TGFBR3: variants seen among roughly 807,000 people sequenced by gnomAD.
TGFBR3 encodes the protein transforming growth factor beta receptor 3.
In TGFBR3, 46 loss-of-function variants were observed where a neutral mutation model predicts 87.9. The ratio of observed to expected loss-of-function variants is 0.52; its 90% CI spans 0.41 to 0.67. TGFBR3 has a LOEUF of 0.67. Ranked by LOEUF, TGFBR3 falls within the 30% of genes least tolerant of loss-of-function variation. The pLI is 0.00. For synonymous variants in TGFBR3, 381 were observed against 391.6 expected, an observed-to-expected ratio of 0.97 and a Z score of 0.32; for missense variants, 866 against 1,041.9, an observed-to-expected ratio of 0.83 and a Z score of 2.32.
At chr1:91,796,461 T>C (rs1675385784) in intron 3 of TGFBR3, among the ~76,000 whole-genome samples, 1 of 152,218 alleles carries the variant, frequency 6.6e-6, no homozygotes, top group South Asian at 2.1e-4. Context: ...TCTCCGCTAA[T>C]GTCACCGCCA....
chr1:91,795,363 C>T (rs428815), intron 3 of TGFBR3, among the ~76,000 whole-genome samples: 17,878 of 152,146 alleles, frequency 0.12, 1,475 homozygotes, highest in East Asian at 0.48. Context: ...TCTTTCTTTT[C>T]TTCCTCACTG....
intron 1 of TGFBR3, among the ~76,000 whole-genome samples, chr1:91,865,281 AC>A (rs1167573759): frequency 6.6e-6 from 1 of 151,166 alleles, no homozygotes; most frequent in South Asian, 2.1e-4. Flanking sequence ...TTATTCCTTT[AC>A]TTTCTTAATA....
chr1:91,882,784 A>AT (rs1227908908), intron 1 of TGFBR3, among the ~76,000 whole-genome samples: 3 of 152,060 alleles, frequency 2.0e-5, no homozygotes, highest in East Asian at 1.9e-4. Context: ...GTCAAGTGTG[A>AT]TTTTTTCAAG....
intron 3 of TGFBR3, chr1:91,786,114 A>G: frequency 4.7e-6 from 2 of 427,340 alleles, no homozygotes; most frequent in Non-Finnish European, 4.6e-6. Flanking sequence ...ATGTTTCATT[A>G]AATTCATTCT....
intron 16 of TGFBR3, among the ~76,000 whole-genome samples, chr1:91,691,447 G>GCT (rs938680532): frequency 3.3e-5 from 5 of 152,204 alleles, no homozygotes; most frequent in Admixed American, 3.3e-4. Context: ...AATCCTCAGA[G>GCT]CTAGAAGACA....
intron 16 of TGFBR3, among the ~76,000 whole-genome samples, chr1:91,685,934 G>A (rs370416695): frequency 1.3e-5 from 2 of 152,262 alleles, no homozygotes; most frequent in South Asian, 4.1e-4. Flanking sequence ...TAATCAATCA[G>A]AAGGACTAAT....
Position 91,680,811 on chromosome 1 carries a change from GAACAC to G in TGFBR3, c.*2923_*2927del, listed in dbSNP as rs1339441407. On this transcript the variant is annotated 3_prime_UTR_variant, in exon 17 of 17. Transcript: ENST00000212355. ...ACACACTCACAATCATGCCCACTAA[GAACAC>G]AAGCAGGAAATGGATTTACAATCTT... 5 of 452,338 alleles carry G rather than the reference GAACAC, an allele frequency of 1.1e-5. No homozygotes were observed. Among genetic ancestry groups the G allele is most frequent in the Admixed American group, 2.4e-5 (1 of 42,464 alleles). 28.0% of individuals were successfully genotyped at this position (452,338 alleles called of 1,614,324 possible).
chr1:91,704,090 G>A (rs1671709153), intron 14 of TGFBR3, among the ~76,000 whole-genome samples: 1 of 152,108 alleles, frequency 6.6e-6, no homozygotes, highest in South Asian at 2.1e-4. Context: ...CACTTTGGGA[G>A]GCCGAGGTGG....
intron 1 of TGFBR3, among the ~76,000 whole-genome samples, chr1:91,877,296 C>A (rs888372909): frequency 2.0e-5 from 3 of 152,186 alleles, no homozygotes; most frequent in South Asian, 4.2e-4. Flanking sequence ...TTTTTGGAAG[C>A]ATTTTCTTTT....
Position 91,681,072 on chromosome 1 carries a change from G to T in TGFBR3, c.*2667C>A. The T allele has an allele frequency of 4.4e-6, 2 of 454,060 alleles. 1 individual carries two copies. The highest frequency in any genetic ancestry group is 3.1e-5 in the South Asian group (2 of 64,474). 28.1% of individuals were successfully genotyped at this position (454,060 alleles called of 1,614,324 possible). Reference sequence around the variant, plus strand: ...ATGGCCTCTGCAAATTAAGGGTGTAGCCTGCAGAAATAACAAAAGACTGCA... The same window carrying T: ...ATGGCCTCTGCAAATTAAGGGTGTATCCTGCAGAAATAACAAAAGACTGCA... On this transcript the variant is annotated 3_prime_UTR_variant, in exon 17 of 17. Transcript: ENST00000212355.
chr1:91,820,410 A>G (rs1162168731), intron 2 of TGFBR3, among the ~76,000 whole-genome samples: 1 of 152,210 alleles, frequency 6.6e-6, no homozygotes, highest in Non-Finnish European at 1.5e-5. Context: ...CCAGCCGGGC[A>G]CGGTGGCTCA....
At chr1:91,716,156 T>C in intron 12 of TGFBR3, 80 bp downstream of exon 12, 1 of 1,561,248 alleles carries the variant, frequency 6.4e-7, no homozygotes. Context: ...AAGAGGTCTG[T>C]ACAGGGTATT....
intron 13 of TGFBR3, 145 bp from the exon 14 acceptor site, chr1:91,708,928 G>GA: frequency 8.5e-7 from 1 of 1,171,414 alleles, no homozygotes; most frequent in Non-Finnish European, 1.2e-6. Flanking sequence ...GTGTTTTTCA[G>GA]AGAACACCAA....
chr1:91,751,298 C>T (rs1336469475), intron 4 of TGFBR3, among the ~76,000 whole-genome samples: 2 of 152,126 alleles, frequency 1.3e-5, no homozygotes, highest in African/African-American at 4.8e-5. Context: ...CACAAGCAAA[C>T]TTGAATGTCT....
chr1:91,797,610 A>C lies in TGFBR3; in HGVS notation c.62-139T>G, dbSNP rs527672975. The C allele has an allele frequency of 1.3e-3, 1,089 of 848,208 alleles. 5 individuals are homozygous for C. The highest frequency in any genetic ancestry group is 1.8e-3 in the Non-Finnish European group (918 of 507,662). 52.5% of individuals were successfully genotyped at this position (848,208 alleles called of 1,614,324 possible). ...CTGTTCCAAGACTAAGTGGCCAAAAAGCTAGCCTATCTTCTAAAATCCCAA... is the reference window on the plus strand; with the variant it reads ...CTGTTCCAAGACTAAGTGGCCAAAACGCTAGCCTATCTTCTAAAATCCCAA... On this transcript the variant is annotated intron_variant, in intron 2 of 16. Coordinates refer to ENST00000212355, the MANE Select transcript of TGFBR3 (RefSeq NM_003243.5).
At chr1:91,699,697 G>A (rs1671558434) in intron 14 of TGFBR3, among the ~76,000 whole-genome samples, 1 of 152,178 alleles carries the variant, frequency 6.6e-6, no homozygotes, top group Non-Finnish European at 1.5e-5. Flanking sequence ...TGAGCAGCCT[G>A]AGACTCTGAT....
chr1:91,790,517 T>C (rs929587422), intron 3 of TGFBR3, among the ~76,000 whole-genome samples: 1 of 152,186 alleles, frequency 6.6e-6, no homozygotes, highest in Admixed American at 6.5e-5. Context: ...TCAGAGGTAA[T>C]CTTCCCTGTC....
chr1:91,895,050 A>G (rs908108669), intron 2 of TGFBR3, among the ~76,000 whole-genome samples: 7 of 151,956 alleles, frequency 4.6e-5, no homozygotes, highest in Admixed American at 3.3e-4. Context: ...GATTACAGGC[A>G]TGAGCCACCG....
In TGFBR3 at chr1:91,734,916, G is replaced by C; in HGVS notation, c.428C>G (p.Ser143Cys). Residue 143 changes from serine to cysteine, a missense_variant, in exon 5 of 17, where the codon TCC becomes TGC. By Grantham distance (112) the Ser-to-Cys change is moderately radical (BLOSUM62 -1). Transcript: ENST00000212355. ...SVVQFSSANF[S>C]LTAETEERNF... is the part of the protein sequence containing the mutation. ...CCTTTCTTCTGTTTCTGCTGTCAAGGAGAAGTTTGCTGATGAAAACTGGAC... is the reference window on the plus strand; with the variant it reads ...CCTTTCTTCTGTTTCTGCTGTCAAGCAGAAGTTTGCTGATGAAAACTGGAC... The C allele has an allele frequency of 1.9e-6, 3 of 1,614,174 alleles. No individual in the cohort carries two copies. Among genetic ancestry groups the C allele is most frequent in the Non-Finnish European group, 2.5e-6 (3 of 1,180,014 alleles).
Sources: gnomAD v4.1 joint callset for allele counts (sites outside exome capture counted in the v4.1 genomes callset) on GRCh38, gnomAD v4.1.1 for gene constraint, MANE v1.5 for transcripts, NCBI Gene and HGNC (gene_info 2026-07-23, HGNC 2026-07-21) for gene names.